CCDC57: variants seen among roughly 807,000 people sequenced by gnomAD.
CCDC57 encodes coiled-coil domain-containing protein 57.
CCDC57 carries 118 observed loss-of-function variants against 118.9 expected under a neutral mutation model. The ratio of observed to expected loss-of-function variants is 0.99; its 90% CI spans 0.86 to 1.16. The LOEUF is 1.16. Among genes scored for constraint, CCDC57 ranks in the 50% most tolerant of loss-of-function variants. CCDC57 has a pLI of 0.00. For missense variants in CCDC57, 1,300 were observed against 1,320.7 expected (o/e 0.98, Z 0.24); for synonymous variants, 527 against 532.9 (o/e 0.99, Z 0.15).
chr17:82,167,114 A>C (rs1157258371), intron 13 of CCDC57, among the ~76,000 whole-genome samples: 1 of 152,186 alleles, frequency 6.6e-6, no homozygotes, highest in Non-Finnish European at 1.5e-5. Context: ...AATTGAAAAG[A>C]AACAAAACAC....
rs1472203381 is a variant in CCDC57, at chr17:82,164,467, A to G, written c.1883-1110T>C. Among the ~76,000 whole-genome samples the G allele has an allele frequency of 2.0e-5, 3 of 152,322 alleles. No homozygotes were observed. In the East Asian group the frequency reaches 5.8e-4, roughly 29 times the overall value. ...CGTTAGTATTAGATACTGAGGAAAC[A>G]GAAAATAAATGTATAATAGAGAATC... On this transcript the variant is annotated intron_variant, in intron 13 of 19. Transcript: ENST00000665763.
intron 9 of CCDC57, among the ~76,000 whole-genome samples, chr17:82,182,089 G>C (rs1315837857): frequency 6.6e-6 from 1 of 152,036 alleles, no homozygotes; most frequent in African/African-American, 2.4e-5. Flanking sequence ...CTGCACTCCA[G>C]CCTGGGTGAC....
At position 82,189,249 on chromosome 17, in the gene CCDC57, C is replaced by T. The variant is rs947836761; in HGVS notation, c.852-830G>A. 3.3e-5 allele frequency among the ~76,000 whole-genome samples: 5 copies of T among 152,108 alleles called. No individual in the cohort carries two copies. The East Asian group carries it at 7.8e-4, about 24-fold the overall frequency. On this transcript the variant is annotated intron_variant, in intron 7 of 19. Coordinates refer to ENST00000665763, the Ensembl canonical transcript of CCDC57. ...TGCCACTGCACTCCAGCCTGAGTGACACAGTGAGACCCTGTCTCAAAAACA... is the reference window on the plus strand; with the variant it reads ...TGCCACTGCACTCCAGCCTGAGTGATACAGTGAGACCCTGTCTCAAAAACA...
intron 19 of CCDC57, among the ~76,000 whole-genome samples, chr17:82,104,427 T>C (rs1334845329): frequency 6.6e-6 from 1 of 152,244 alleles, no homozygotes; most frequent in Non-Finnish European, 1.5e-5. Context: ...TGGGGCCTGC[T>C]TGCCCCTCCC....
At chr17:82,190,122 C>G (rs1422756285) in intron 7 of CCDC57, among the ~76,000 whole-genome samples, 1 of 84,560 alleles carries the variant, frequency 1.2e-5, no homozygotes, top group Non-Finnish European at 2.4e-5. Context: ...TCTTCATATC[C>G]CAGCATAGAG....
chr17:82,149,042 TG>T (rs2041442549), intron 16 of CCDC57, among the ~76,000 whole-genome samples: 1 of 58,356 alleles, frequency 1.7e-5, no homozygotes, highest in African/African-American at 6.9e-5. Context: ...GATGGGTGGG[TG>T]GACGGATGGT....
chr17:82,182,400 C>T (rs1426712015), intron 9 of CCDC57, among the ~76,000 whole-genome samples: 2 of 151,522 alleles, frequency 1.3e-5, no homozygotes, highest in Non-Finnish European at 2.9e-5. Flanking sequence ...GTTGCCCAGG[C>T]TGAAGTGCAG....
chr17:82,187,004 C>T (rs747718426), intron 8 of CCDC57, among the ~76,000 whole-genome samples: 5 of 151,552 alleles, frequency 3.3e-5, no homozygotes, highest in Non-Finnish European at 7.4e-5. Context: ...TTTGGGAGGC[C>T]GAGGCAGGGG....
intron 4 of CCDC57, among the ~76,000 whole-genome samples, chr17:82,197,828 T>A (rs2048498870): frequency 6.6e-6 from 1 of 152,196 alleles, no homozygotes; most frequent in Non-Finnish European, 1.5e-5. Flanking sequence ...CGCCTTCTCC[T>A]GCCCTTGGAC....
In CCDC57 at chr17:82,201,957, A is replaced by G; in HGVS notation, c.-8-5T>C. 6.3e-7 allele frequency: 1 copy of G among 1,578,170 alleles called. No homozygotes were observed. The highest frequency in any genetic ancestry group is 8.6e-7 in the Non-Finnish European group (1 of 1,160,900). On this transcript the variant is annotated splice_polypyrimidine_tract_variant and splice_region_variant and intron_variant, in intron 2 of 19. Coordinates refer to ENST00000665763, the Ensembl canonical transcript of CCDC57. ...CCAGTGGCAGCATGGTGGCCGCTGC[A>G]GTAAAGAGAAATCAGGTTCAGGGTG...
At chr17:82,111,689 C>T (rs2035262478) in intron 19 of CCDC57, among the ~76,000 whole-genome samples, 1 of 151,966 alleles carries the variant, frequency 6.6e-6, no homozygotes, top group Non-Finnish European at 1.5e-5. Context: ...TCACTGCAAC[C>T]TCTAGCTCCA....
At chr17:82,111,291 C>T (rs932628200) in intron 19 of CCDC57, among the ~76,000 whole-genome samples, 20 of 148,768 alleles carry the variant, frequency 1.3e-4, no homozygotes, top group African/African-American at 2.0e-4. Context: ...TTAGTAGAGA[C>T]GGGGTTTCAC....
At chr17:82,200,273 G>C (rs576711126) in intron 3 of CCDC57, among the ~76,000 whole-genome samples, 1 of 152,154 alleles carries the variant, frequency 6.6e-6, no homozygotes, top group Non-Finnish European at 1.5e-5. Context: ...AGAACCCAGC[G>C]CACTGACACG....
At chr17:82,141,678 A>C (rs1390689043) in intron 16 of CCDC57, among the ~76,000 whole-genome samples, 1 of 152,162 alleles carries the variant, frequency 6.6e-6, no homozygotes, top group Non-Finnish European at 1.5e-5. Flanking sequence ...TTTGTGGTTC[A>C]TCCGCCTGAT....
At chr17:82,103,143 T>C (rs1255558821) in intron 19 of CCDC57, among the ~76,000 whole-genome samples, 1 of 152,204 alleles carries the variant, frequency 6.6e-6, no homozygotes, top group Non-Finnish European at 1.5e-5. Flanking sequence ...AATGACGCAC[T>C]CTCAGCTGGG....
intron 11 of CCDC57, among the ~76,000 whole-genome samples, chr17:82,177,375 T>C (rs2045659683): frequency 6.6e-6 from 1 of 150,638 alleles, no homozygotes; most frequent in South Asian, 2.1e-4. Flanking sequence ...AAACTCTGTC[T>C]AAAAAAAACA....
At chr17:82,177,889 C>T (rs920667434) in intron 11 of CCDC57, among the ~76,000 whole-genome samples, 1 of 152,192 alleles carries the variant, frequency 6.6e-6, no homozygotes, top group African/African-American at 2.4e-5. Context: ...TAGGGCAGTC[C>T]TCCCGTGCTG....
intron 5 of CCDC57, 61 bp downstream of exon 4, chr17:82,195,202 C>T: frequency 8.2e-7 from 1 of 1,213,730 alleles, no homozygotes; most frequent in East Asian, 2.5e-5. Flanking sequence ...AGGTGTGAGC[C>T]ACCACACCTG....
At chr17:82,111,437 G>A (rs2035236321) in intron 19 of CCDC57, among the ~76,000 whole-genome samples, 1 of 146,818 alleles carries the variant, frequency 6.8e-6, no homozygotes. Context: ...GGAGCGCAGT[G>A]GCGTGATCGT....
Sources: gnomAD v4.1 joint callset for allele counts (sites outside exome capture counted in the v4.1 genomes callset) on GRCh38, gnomAD v4.1.1 for gene constraint, MANE v1.5 for transcripts, NCBI Gene and HGNC (gene_info 2026-07-23, HGNC 2026-07-21) for gene names.